The following DCBLD2 variants were observed in gnomAD, a reference collection of about 807,000 sequenced individuals.
DCBLD2 encodes the protein discoidin, CUB and LCCL domain-containing protein 2.
In DCBLD2, 54 loss-of-function variants were observed where a neutral mutation model predicts 86.8. The ratio of observed to expected loss-of-function variants is 0.62; its 90% CI spans 0.50 to 0.78. The LOEUF is 0.78. DCBLD2 is among the 30% of genes least tolerant of loss of function. The probability of loss-of-function intolerance (pLI) is 0.00; values close to 1 mark genes in which losing one functional copy is unlikely to be tolerated. For missense variants in DCBLD2, 908 were observed against 954.2 expected (o/e 0.95, Z 0.64); for synonymous variants, 354 against 341.3 (o/e 1.04, Z -0.41).
chr3:98,861,282 T>G (rs1016097860), intron 2 of DCBLD2, among the ~76,000 whole-genome samples: 1 of 145,938 alleles, frequency 6.9e-6, no homozygotes, highest in Non-Finnish European at 1.5e-5. Flanking sequence ...AATGGGAGAC[T>G]TTTAACACCC....
chr3:98,886,859 T>C (rs1943573639), intron 1 of DCBLD2, among the ~76,000 whole-genome samples: 2 of 137,308 alleles, frequency 1.5e-5, no homozygotes, highest in African/African-American at 2.7e-5. Context: ...GAAAGAAAAT[T>C]AAACGTATTT....
intron 3 of DCBLD2, among the ~76,000 whole-genome samples, chr3:98,831,379 T>G (rs1205026756): frequency 6.6e-6 from 1 of 151,508 alleles, no homozygotes. Context: ...ATCTAGCTAG[T>G]GGCCTATCAT....
chr3:98,796,823 T>C lies in DCBLD2; in HGVS notation c.*2549A>G, dbSNP rs1941608596. 6.6e-6 allele frequency: 1 copy of C among 152,606 alleles called. No homozygotes were observed. The highest frequency in any genetic ancestry group is 1.5e-5 in the Non-Finnish European group (1 of 68,018). 9.5% of individuals were successfully genotyped at this position (152,606 alleles called of 1,614,324 possible). ...CAAGTCAGTGTAATTTTATGAAACC[T>C]GTAATGGCCACATTTGTTGTGTCTC... On this transcript the variant is annotated 3_prime_UTR_variant, in exon 16 of 16. Transcript: ENST00000326840.
chr3:98,806,584 GT>G (rs201326904), intron 13 of DCBLD2, among the ~76,000 whole-genome samples: 6 of 151,842 alleles, frequency 4.0e-5, no homozygotes, highest in Non-Finnish European at 4.4e-5. Flanking sequence ...ACAGCTGGGA[GT>G]TTTTTTTGCA....
At chr3:98,867,688 T>C (rs1943178582) in intron 2 of DCBLD2, among the ~76,000 whole-genome samples, 1 of 152,160 alleles carries the variant, frequency 6.6e-6, no homozygotes, top group Non-Finnish European at 1.5e-5. Context: ...CCAAATACCT[T>C]ATAATGGCAG....
intron 2 of DCBLD2, among the ~76,000 whole-genome samples, chr3:98,873,901 T>C (rs191219235): frequency 6.6e-6 from 1 of 152,132 alleles, no homozygotes; most frequent in Non-Finnish European, 1.5e-5. Flanking sequence ...TGACAGGAGG[T>C]AAATAACTAT....
chr3:98,876,397 G>A (rs1181249401), intron 2 of DCBLD2, among the ~76,000 whole-genome samples: 2 of 25,290 alleles, frequency 7.9e-5, no homozygotes, highest in Non-Finnish European at 1.5e-4. Flanking sequence ...GCAAAAGACA[G>A]GAAGAGATAA....
chr3:98,805,609 G>T (rs1036051405), intron 13 of DCBLD2, among the ~76,000 whole-genome samples: 2 of 152,072 alleles, frequency 1.3e-5, no homozygotes, highest in Non-Finnish European at 2.9e-5. Context: ...GCATATTAAT[G>T]GTATCTGCTC....
At chr3:98,842,964 A>G (rs1486620095) in intron 3 of DCBLD2, among the ~76,000 whole-genome samples, 1 of 152,134 alleles carries the variant, frequency 6.6e-6, no homozygotes, top group African/African-American at 2.4e-5. Flanking sequence ...TAATATGCCA[A>G]AAAAATTAAA....
chr3:98,853,264 A>C (rs1422018214), intron 2 of DCBLD2, among the ~76,000 whole-genome samples: 1 of 152,234 alleles, frequency 6.6e-6, no homozygotes, highest in Non-Finnish European at 1.5e-5. Context: ...TTAGGTGTTA[A>C]AGTTCTCAAA....
rs10530611 is a variant in DCBLD2, at chr3:98,844,343, T to TTTATTA, written c.571+5112_571+5117dup. Among the ~76,000 whole-genome samples, 657 of 145,906 alleles carry TTTATTA rather than the reference T, an allele frequency of 4.5e-3. 3 individuals are homozygous for TTTATTA. Among genetic ancestry groups the TTTATTA allele is most frequent in the East Asian group, 0.011 (54 of 5,082 alleles). ...TTTTCAGAATAAAATGTCAGTAGCA[T>TTTATTA]TTATTATTATTATTATTATTATTAT... On this transcript the variant is annotated intron_variant, in intron 3 of 15. Coordinates refer to ENST00000326840, the MANE Select transcript of DCBLD2 (RefSeq NM_080927.4).
chr3:98,799,894 A>C (rs1941686172), intron 15 of DCBLD2, 53 bp from the exon 16 acceptor site: 1 of 1,453,412 alleles, frequency 6.9e-7, no homozygotes, highest in Non-Finnish European at 9.3e-7. Flanking sequence ...AAGAGATTGC[A>C]TAATTTAGGG....
chr3:98,849,313 CTTAT>C, intron 3 of DCBLD2, 144 bp downstream of exon 3: 10 of 985,642 alleles, frequency 1.0e-5, no homozygotes, highest in Non-Finnish European at 1.4e-5. Context: ...CTGAACTCAC[CTTAT>C]TTGTCAAATT....
intron 1 of DCBLD2, among the ~76,000 whole-genome samples, chr3:98,894,139 G>T (rs1943710798): frequency 6.6e-6 from 1 of 152,174 alleles, no homozygotes; most frequent in African/African-American, 2.4e-5. Context: ...CAAACCTAGT[G>T]ACAGACAAAT....
intron 2 of DCBLD2, among the ~76,000 whole-genome samples, chr3:98,877,049 T>G (rs1943385036): frequency 6.6e-6 from 1 of 152,008 alleles, no homozygotes; most frequent in African/African-American, 2.4e-5. Context: ...TGAGTGGAGA[T>G]GGGGTTAAAA....
intron 3 of DCBLD2, among the ~76,000 whole-genome samples, chr3:98,844,124 T>C (rs1441109285): frequency 6.6e-6 from 1 of 151,778 alleles, no homozygotes; most frequent in Admixed American, 6.6e-5. Context: ...TCAATGCAAA[T>C]GTATATATTT....
Position 98,797,558 on chromosome 3 carries a change from A to G in DCBLD2, c.*1814T>C, listed in dbSNP as rs554974048. 1 of 152,576 alleles carries G rather than the reference A, an allele frequency of 6.6e-6. No individual in the cohort carries two copies. The highest frequency in any genetic ancestry group is 2.1e-4 in the South Asian group (1 of 4,828). The allele number at this position is 152,576 out of a possible 1,614,324, so 9.5% of individuals were successfully genotyped here. A position where few individuals can be genotyped will look rare whatever the true frequency, so the allele number is the denominator to read the frequency against. On this transcript the variant is annotated 3_prime_UTR_variant, in exon 16 of 16. Transcript: ENST00000326840. ...TTCCACATCCATATATGTTTTAATAAAAGTCTACCATCTATGTCTTTTGTT... is the reference window on the plus strand; with the variant it reads ...TTCCACATCCATATATGTTTTAATAGAAGTCTACCATCTATGTCTTTTGTT...
intron 2 of DCBLD2, among the ~76,000 whole-genome samples, chr3:98,860,162 G>T (rs1022671297): frequency 2.0e-5 from 3 of 152,160 alleles, no homozygotes; most frequent in African/African-American, 4.8e-5. Flanking sequence ...AGCCAGAAGA[G>T]AAATTTGGAG....
intron 2 of DCBLD2, among the ~76,000 whole-genome samples, chr3:98,871,389 T>C (rs1268105465): frequency 6.6e-6 from 1 of 152,178 alleles, no homozygotes; most frequent in Non-Finnish European, 1.5e-5. Context: ...CTTTCAGTTT[T>C]TCCTCATTCA....
Sources: gnomAD v4.1 joint callset for allele counts (sites outside exome capture counted in the v4.1 genomes callset) on GRCh38, gnomAD v4.1.1 for gene constraint, MANE v1.5 for transcripts, NCBI Gene and HGNC (gene_info 2026-07-23, HGNC 2026-07-21) for gene names.